Variants in UNC13C observed in about 807,000 individuals in gnomAD.
UNC13C encodes the protein unc-13 homolog C.
A neutral mutation model predicts 245.4 loss-of-function variants in UNC13C; 174 were observed. The ratio of observed to expected loss-of-function variants is 0.71; its 90% CI spans 0.63 to 0.80. The LOEUF (loss-of-function observed/expected upper bound fraction) is 0.80, where lower values mean the gene tolerates loss of function less well. Among genes scored for constraint, UNC13C ranks in the 30% least tolerant of loss-of-function variants. UNC13C has a pLI of 0.00. For synonymous variants in UNC13C, 992 were observed against 895.1 expected, an observed-to-expected ratio of 1.11 and a Z score of -1.93; for missense variants, 2,829 against 2,602.9, an observed-to-expected ratio of 1.09 and a Z score of -1.89.
Position 54,626,946 on chromosome 15 carries a change from G to A in UNC13C, c.6478G>A (p.Ala2160Thr), listed in dbSNP as rs1296280316. ...GACAGTCATTCAGCTACAGAACATA[G>A]CAGAAAAGGGAAGCTATGGGGCATG... ...GMTVIQLQNI[A>T]EKGSYGAWYP... The change falls in exon 33 of 33, where the codon GCA becomes ACA. Residue 2160 changes from alanine (A) to threonine (T), a missense_variant. Ala to Thr is a moderately conservative substitution (Grantham distance 58, BLOSUM62 0). Coordinates refer to ENST00000260323, the MANE Select transcript of UNC13C (RefSeq NM_001080534.3). 6.2e-7 allele frequency: 1 copy of A among 1,613,464 alleles called. No homozygotes were observed. The highest frequency in any genetic ancestry group is 1.7e-5 in the Admixed American group (1 of 59,908).
chr15:54,165,651 G>C (rs190647947), intron 4 of UNC13C, among the ~76,000 whole-genome samples: 2 of 151,994 alleles, frequency 1.3e-5, no homozygotes, highest in African/African-American at 4.8e-5. Flanking sequence ...TCAGCATTTT[G>C]ACATCAGGTT....
At chr15:54,304,898 A>G (rs1567174226) in intron 13 of UNC13C, among the ~76,000 whole-genome samples, 1 of 152,020 alleles carries the variant, frequency 6.6e-6, no homozygotes, top group Non-Finnish European at 1.5e-5. Flanking sequence ...ATTTATTGGT[A>G]TTCATTAGTT....
At chr15:54,209,082 C>T (rs895768463) in intron 4 of UNC13C, among the ~76,000 whole-genome samples, 1 of 152,104 alleles carries the variant, frequency 6.6e-6, no homozygotes, top group African/African-American at 2.4e-5. Context: ...CTCTTGGGTA[C>T]TACAAACTAG....
intron 14 of UNC13C, among the ~76,000 whole-genome samples, chr15:54,323,008 C>T (rs1345581976): frequency 6.9e-6 from 1 of 145,064 alleles, no homozygotes; most frequent in Non-Finnish European, 1.5e-5. Flanking sequence ...TTTTTGTTCT[C>T]TTTTTTTTTT....
chr15:54,458,157 G>A (rs751239362), intron 19 of UNC13C, among the ~76,000 whole-genome samples: 18 of 151,722 alleles, frequency 1.2e-4, no homozygotes, highest in Non-Finnish European at 1.6e-4. Flanking sequence ...AATATCATTC[G>A]GGGCAGATTA....
At chr15:54,001,405 C>T (rs1894881285) in intron 1 of UNC13C, among the ~76,000 whole-genome samples, 1 of 152,152 alleles carries the variant, frequency 6.6e-6, no homozygotes, top group South Asian at 2.1e-4. Context: ...GCATGTAACA[C>T]TATAGATTTT....
At chr15:54,176,355 G>C (rs2033614905) in intron 4 of UNC13C, among the ~76,000 whole-genome samples, 1 of 152,076 alleles carries the variant, frequency 6.6e-6, no homozygotes, top group African/African-American at 2.4e-5. Flanking sequence ...TTCTATTAAA[G>C]AAACAATATA....
chr15:54,180,045 G>T (rs1238086329), intron 4 of UNC13C, among the ~76,000 whole-genome samples: 3 of 151,966 alleles, frequency 2.0e-5, no homozygotes, highest in African/African-American at 7.2e-5. Flanking sequence ...GGGGGTATAC[G>T]TGCAGGTTCG....
intron 18 of UNC13C, 78 bp from the exon 19 acceptor site, chr15:54,414,904 A>G: frequency 2.4e-6 from 2 of 848,082 alleles, no homozygotes; most frequent in South Asian, 1.6e-5. Context: ...CTACTGTGGT[A>G]TATATGTAAA....
chr15:54,446,717 A>T (rs919027977), intron 19 of UNC13C, among the ~76,000 whole-genome samples: 3 of 152,180 alleles, frequency 2.0e-5, no homozygotes, highest in Non-Finnish European at 4.4e-5. Context: ...TTCTAGATAT[A>T]CAATCATGTC....
At chr15:53,985,976 T>C (rs183702081) in intron 1 of UNC13C, among the ~76,000 whole-genome samples, 1 of 152,092 alleles carries the variant, frequency 6.6e-6, no homozygotes, top group East Asian at 1.9e-4. Flanking sequence ...TTGTTGTTTC[T>C]ACTACTGTGG....
intron 19 of UNC13C, among the ~76,000 whole-genome samples, chr15:54,480,459 G>T (rs1893046442): frequency 6.9e-6 from 1 of 144,918 alleles, no homozygotes; most frequent in Non-Finnish European, 1.5e-5. Flanking sequence ...TATCTCAAAA[G>T]ACCTGTCTTC....
chr15:54,458,253 A>G (rs1178517476), intron 19 of UNC13C, among the ~76,000 whole-genome samples: 3 of 152,008 alleles, frequency 2.0e-5, no homozygotes, highest in Non-Finnish European at 4.4e-5. Flanking sequence ...AGAAAGTACT[A>G]TATATACTTT....
chr15:53,984,354 G>A (rs991264), intron 1 of UNC13C, among the ~76,000 whole-genome samples: 58,834 of 151,898 alleles, frequency 0.39, 12,632 homozygotes, highest in East Asian at 0.58. Context: ...GATTTGTCTG[G>A]TTGATTTACT....
chr15:54,469,419 C>A (rs1369270736), intron 19 of UNC13C, among the ~76,000 whole-genome samples: 1 of 151,418 alleles, frequency 6.6e-6, no homozygotes, highest in Non-Finnish European at 1.5e-5. Flanking sequence ...TCATTTCCTT[C>A]TGTTGTCTAA....
chr15:54,618,820 T>C (rs1418412016), intron 30 of UNC13C, among the ~76,000 whole-genome samples: 1 of 152,126 alleles, frequency 6.6e-6, no homozygotes, highest in African/African-American at 2.4e-5. Flanking sequence ...TACAGGACTA[T>C]GAAAATAACG....
chr15:54,290,061 T>C (rs1313893210), intron 10 of UNC13C, among the ~76,000 whole-genome samples: 1 of 151,968 alleles, frequency 6.6e-6, no homozygotes, highest in Non-Finnish European at 1.5e-5. Flanking sequence ...ATCTCCAGTT[T>C]CAAACCCATC....
intron 17 of UNC13C, among the ~76,000 whole-genome samples, chr15:54,344,913 C>T (rs923209937): frequency 2.0e-5 from 3 of 152,130 alleles, no homozygotes; most frequent in African/African-American, 7.2e-5. Context: ...AATGTGTCTA[C>T]CCCATCATCT....
intron 2 of UNC13C, among the ~76,000 whole-genome samples, chr15:54,101,761 T>C (rs1282276927): frequency 6.6e-6 from 1 of 151,902 alleles, no homozygotes; most frequent in African/African-American, 2.4e-5. Flanking sequence ...AGTTTTTGTA[T>C]TTTTAGTAGA....
Sources: gnomAD v4.1 joint callset for allele counts (sites outside exome capture counted in the v4.1 genomes callset) on GRCh38, gnomAD v4.1.1 for gene constraint, MANE v1.5 for transcripts, NCBI Gene and HGNC (gene_info 2026-07-23, HGNC 2026-07-21) for gene names.